BTBD9: variants seen among roughly 807,000 people sequenced by gnomAD.
The protein encoded by BTBD9 is BTB domain containing 9.
A neutral mutation model predicts 64.3 loss-of-function variants in BTBD9; 49 were observed. The observed-to-expected ratio is 0.76, with a 90% CI of 0.61 to 0.97. The LOEUF (loss-of-function observed/expected upper bound fraction) is 0.97. Ranked by LOEUF, BTBD9 falls within the 50% of genes least tolerant of loss-of-function variation. BTBD9 has a pLI of 0.00. For synonymous variants in BTBD9, 260 were observed against 274.7 expected (o/e 0.95, Z 0.53); for missense variants, 598 against 762.1 (o/e 0.78, Z 2.53).
At chr6:38,280,478 T>G (rs1421106568) in intron 8 of BTBD9, among the ~76,000 whole-genome samples, 2 of 152,210 alleles carry the variant, frequency 1.3e-5, no homozygotes, top group African/African-American at 2.4e-5. Context: ...TAAAATATCT[T>G]TCCAATTTTG....
At chr6:38,512,378 T>C (rs1415733108) in intron 6 of BTBD9, among the ~76,000 whole-genome samples, 1 of 152,212 alleles carries the variant, frequency 6.6e-6, no homozygotes, top group African/African-American at 2.4e-5. Flanking sequence ...TGGTGACTAT[T>C]AATTAGGTGT....
chr6:38,212,926 C>G (rs1371797367), intron 9 of BTBD9, among the ~76,000 whole-genome samples: 1 of 152,008 alleles, frequency 6.6e-6, no homozygotes, highest in African/African-American at 2.4e-5. Context: ...AGCCAATTTT[C>G]AAATGTTAAG....
intron 6 of BTBD9, among the ~76,000 whole-genome samples, chr6:38,516,864 C>T (rs1041268500): frequency 2.0e-5 from 3 of 152,168 alleles, no homozygotes; most frequent in Non-Finnish European, 4.4e-5. Flanking sequence ...ACATTATTTC[C>T]TTCATTCCAT....
intron 7 of BTBD9, among the ~76,000 whole-genome samples, chr6:38,339,468 CAAGAAA>C (rs574911387): frequency 7.0e-4 from 105 of 150,728 alleles, no homozygotes; most frequent in African/African-American, 2.5e-3. Context: ...GACCCTGTCT[CAAGAAA>C]AAGAAAAAGA....
At chr6:38,544,927 CAAAAAAAAAA>C (rs58694810) in intron 6 of BTBD9, among the ~76,000 whole-genome samples, 9,117 of 48,264 alleles carry the variant, frequency 0.19, 446 homozygotes, top group Middle Eastern at 0.37. Flanking sequence ...AACTACATCT[CAAAAAAAAAA>C]AAAAAAAAAA....
chr6:38,318,765 C>G (rs539341710), intron 7 of BTBD9, among the ~76,000 whole-genome samples: 1 of 152,186 alleles, frequency 6.6e-6, no homozygotes. Context: ...GTAACCACTA[C>G]CTAGCTACCA....
At chr6:38,632,058 G>A (rs879286667) in intron 1 of BTBD9, among the ~76,000 whole-genome samples, 18 of 152,264 alleles carry the variant, frequency 1.2e-4, no homozygotes, top group South Asian at 6.2e-4. Context: ...AACCCAGGGG[G>A]CGGAGGTTGC....
chr6:38,497,565 T>C (rs1301990073), intron 6 of BTBD9, among the ~76,000 whole-genome samples: 2 of 151,266 alleles, frequency 1.3e-5, no homozygotes, highest in Non-Finnish European at 2.9e-5. Context: ...GTTCATGATA[T>C]GGAAAGAAAG....
chr6:38,282,031 C>G (rs922918540), intron 8 of BTBD9, among the ~76,000 whole-genome samples: 13 of 152,078 alleles, frequency 8.5e-5, no homozygotes, highest in Admixed American at 2.6e-4. Flanking sequence ...CCTGAAAACA[C>G]TAAAAAGGAT....
intron 6 of BTBD9, among the ~76,000 whole-genome samples, chr6:38,545,578 G>A (rs1210715036): frequency 1.3e-5 from 2 of 151,888 alleles, no homozygotes; most frequent in Non-Finnish European, 2.9e-5. Flanking sequence ...AGGAGATCGA[G>A]ACCATCCTGG....
intron 10 of BTBD9, among the ~76,000 whole-genome samples, chr6:38,183,076 T>TTCATGCCATTCTCCTGCC (rs1561842056): frequency 6.6e-6 from 1 of 151,266 alleles, no homozygotes; most frequent in African/African-American, 2.4e-5. Flanking sequence ...GCCTCCCGGG[T>TTCATGCCATTCTCCTGCC]TCATGCCATT....
intron 1 of BTBD9, 29 bp from the exon 2 acceptor site, chr6:38,598,150 G>A: frequency 6.5e-7 from 1 of 1,532,034 alleles, no homozygotes; most frequent in Non-Finnish European, 8.9e-7. Flanking sequence ...ATGAGAGTTA[G>A]TTGGGGGAGG....
chr6:38,275,821 T>C (rs1208614329), intron 8 of BTBD9, among the ~76,000 whole-genome samples: 1 of 152,002 alleles, frequency 6.6e-6, no homozygotes, highest in African/African-American at 2.4e-5. Context: ...CCAGTTAGAA[T>C]GGCGATCATT....
rs375010039 is a variant in BTBD9 at position 38,263,958 on chromosome 6, AC to A, written c.1455-7443del. On this transcript the variant is annotated intron_variant, in intron 8 of 10. Coordinates refer to ENST00000481247, the MANE Select transcript of BTBD9 (RefSeq NM_001099272.2). Reference sequence around the variant, plus strand: ...TTATGGCAGTGAGGATAGCAATGATACCGTGATGGCTACAGGACCAGAGAGA... The same window carrying A: ...TTATGGCAGTGAGGATAGCAATGATACGTGATGGCTACAGGACCAGAGAGA... 7.4e-4 allele frequency among the ~76,000 whole-genome samples: 112 copies of A among 152,326 alleles called. 2 individuals are homozygous for A. The South Asian group carries it at 0.022, about 29-fold the overall frequency.
At chr6:38,332,702 A>AC (rs1463385991) in intron 7 of BTBD9, among the ~76,000 whole-genome samples, 5 of 152,204 alleles carry the variant, frequency 3.3e-5, no homozygotes, top group Admixed American at 3.3e-4. Context: ...ATATTAAAAA[A>AC]ACACACACAT....
intron 1 of BTBD9, among the ~76,000 whole-genome samples, chr6:38,637,050 C>T (rs1334917445): frequency 6.6e-6 from 1 of 152,156 alleles, no homozygotes; most frequent in Non-Finnish European, 1.5e-5. Flanking sequence ...CTACATGTGG[C>T]GAAATTTTAT....
At chr6:38,423,277 C>T (rs1767989584) in intron 6 of BTBD9, among the ~76,000 whole-genome samples, 1 of 151,918 alleles carries the variant, frequency 6.6e-6, no homozygotes, top group Admixed American at 6.6e-5. Flanking sequence ...CCAAAAAATA[C>T]ATAAAATTAA....
intron 7 of BTBD9, among the ~76,000 whole-genome samples, chr6:38,299,367 T>C (rs1762295499): frequency 6.6e-6 from 1 of 152,224 alleles, no homozygotes; most frequent in South Asian, 2.1e-4. Context: ...TTTGGGTATA[T>C]ACCCAGTAAT....
At chr6:38,440,620 A>G (rs1335450328) in intron 6 of BTBD9, among the ~76,000 whole-genome samples, 1 of 152,222 alleles carries the variant, frequency 6.6e-6, no homozygotes, top group Non-Finnish European at 1.5e-5. Context: ...GTCCCTTACA[A>G]TTGTAAAAAG....
Sources: allele counts gnomAD v4.1 joint callset (sites outside exome capture counted in the v4.1 genomes callset), GRCh38; gene constraint gnomAD v4.1.1; transcripts MANE v1.5; gene names NCBI Gene and HGNC (gene_info 2026-07-23, HGNC 2026-07-21).